The following SORBS2 variants were observed in gnomAD, a reference collection of about 807,000 sequenced individuals.
The protein encoded by SORBS2 is sorbin and SH3 domain containing 2.
A neutral mutation model predicts 97.7 loss-of-function variants in SORBS2; 46 were observed. That is an observed-to-expected ratio of 0.47 (90% CI 0.37 to 0.60). The LOEUF (loss-of-function observed/expected upper bound fraction) is 0.60. Among genes scored for constraint, SORBS2 ranks in the 20% least tolerant of loss-of-function variants. The pLI is 0.00. For synonymous variants in SORBS2, 476 were observed against 473.4 expected, an observed-to-expected ratio of 1.01 and a Z score of -0.07; for missense variants, 1,316 against 1,282.3, an observed-to-expected ratio of 1.03 and a Z score of -0.40.
intron 1 of SORBS2, among the ~76,000 whole-genome samples, chr4:185,797,980 C>T (rs924084788): frequency 9.2e-5 from 14 of 152,286 alleles, no homozygotes; most frequent in Middle Eastern, 3.4e-3. Context: ...TGTGATGCTG[C>T]GGGATTATCA....
At chr4:185,766,935 T>G (rs1400495816) in intron 2 of SORBS2, among the ~76,000 whole-genome samples, 1 of 152,232 alleles carries the variant, frequency 6.6e-6, no homozygotes, top group African/African-American at 2.4e-5. Flanking sequence ...AATGTTTCTA[T>G]TCTATCCTTT....
chr4:185,804,862 T>C (rs554547539), intron 1 of SORBS2, among the ~76,000 whole-genome samples: 2 of 143,920 alleles, frequency 1.4e-5, no homozygotes. Flanking sequence ...GTCTTGCAGC[T>C]TCTATGGTTT....
In SORBS2 at chr4:185,678,462, G is replaced by T. The variant is rs1164250170; in HGVS notation, c.-85C>A. 5.8e-6 allele frequency: 9 copies of T among 1,550,762 alleles called. No homozygotes were observed. The South Asian group carries it at 9.5e-5, about 16-fold the overall frequency. On this transcript the variant is annotated 5_prime_UTR_variant, in exon 4 of 21. Transcript: ENST00000284776. ...TTTTATCTTGTAGGTTTGGTCGAACGCTTCTAAAACCTTTTGCTGCAAGAG... is the reference window on the plus strand; with the variant it reads ...TTTTATCTTGTAGGTTTGGTCGAACTCTTCTAAAACCTTTTGCTGCAAGAG...
intron 2 of SORBS2, among the ~76,000 whole-genome samples, chr4:185,709,559 C>T (rs1047233388): frequency 2.0e-5 from 3 of 152,014 alleles, no homozygotes; most frequent in Non-Finnish European, 2.9e-5. Flanking sequence ...TACATGTCTA[C>T]CCCTACATTT....
intron 1 of SORBS2, among the ~76,000 whole-genome samples, chr4:185,823,864 C>A (rs915732460): frequency 2.6e-5 from 4 of 151,974 alleles, no homozygotes; most frequent in Non-Finnish European, 4.4e-5. Context: ...GTCTGCGGTT[C>A]GATAAAAAGG....
In SORBS2 at chr4:185,737,248, A is replaced by G. The variant is rs1338146388; in HGVS notation, c.-198+37979T>C. Reference sequence around the variant, plus strand: ...CTTTCAAGTTCCAGGTTGGGGGTATAAAGAGGTTTGATAGAAAAGAACCGC... The same window carrying G: ...CTTTCAAGTTCCAGGTTGGGGGTATGAAGAGGTTTGATAGAAAAGAACCGC... On this transcript the variant is annotated intron_variant, in intron 2 of 20. Transcript: ENST00000284776. Among the ~76,000 whole-genome samples the G allele has an allele frequency of 2.6e-5, 4 of 152,304 alleles. No individual in the cohort carries two copies. In the East Asian group the frequency reaches 7.7e-4, roughly 29 times the overall value.
intron 1 of SORBS2, among the ~76,000 whole-genome samples, chr4:185,859,678 T>C (rs1409330283): frequency 1.3e-5 from 2 of 151,406 alleles, no homozygotes; most frequent in African/African-American, 4.9e-5. Context: ...TTTAGTAGTT[T>C]GTAAGCCTCC....
intron 2 of SORBS2, among the ~76,000 whole-genome samples, chr4:185,707,293 C>T (rs1026586873): frequency 1.4e-4 from 21 of 152,134 alleles, no homozygotes; most frequent in Non-Finnish European, 2.2e-4. Context: ...GGAATGCAGG[C>T]AGTTTGGCTT....
At chr4:185,900,210 G>A (rs949869282) in intron 1 of SORBS2, among the ~76,000 whole-genome samples, 1 of 152,190 alleles carries the variant, frequency 6.6e-6, no homozygotes, top group African/African-American at 2.4e-5. Context: ...AAGTAAAAAG[G>A]CAGTGAAGTA....
chr4:185,895,182 T>C (rs1240665069), intron 1 of SORBS2, among the ~76,000 whole-genome samples: 1 of 152,184 alleles, frequency 6.6e-6, no homozygotes, highest in African/African-American at 2.4e-5. Flanking sequence ...CTACCTCTCT[T>C]ATGAGTGACA....
rs181145227 is a variant in SORBS2 at position 185,839,364 on chromosome 4, T to A, written c.-337-63998A>T. On this transcript the variant is annotated intron_variant, in intron 1 of 20. Coordinates refer to the SORBS2 transcript ENST00000284776. Reference sequence around the variant, plus strand: ...CAGGACTGAAACAGTTTGAGAACACTGCGCTGGGATTCCTCAGGCTATTTT... The same window carrying A: ...CAGGACTGAAACAGTTTGAGAACACAGCGCTGGGATTCCTCAGGCTATTTT... Among the ~76,000 whole-genome samples, 140 of 152,332 alleles carry A rather than the reference T, an allele frequency of 9.2e-4. 1 individual carries two copies. The highest frequency in any genetic ancestry group is 3.2e-3 in the African/African-American group (132 of 41,574).
At chr4:185,608,523 A>G (rs982059361) in intron 12 of SORBS2, among the ~76,000 whole-genome samples, 26 of 152,132 alleles carry the variant, frequency 1.7e-4, no homozygotes, top group Non-Finnish European at 2.9e-4. Flanking sequence ...ACTTACTTCT[A>G]CATACGTAGT....
chr4:185,644,715 G>A (rs182052545), intron 4 of SORBS2, among the ~76,000 whole-genome samples: 21 of 152,276 alleles, frequency 1.4e-4, no homozygotes, highest in African/African-American at 4.1e-4. Context: ...TAATTACAGC[G>A]CCTGGCATAT....
intron 1 of SORBS2, among the ~76,000 whole-genome samples, chr4:185,917,191 A>G (rs2099258625): frequency 6.6e-6 from 1 of 152,044 alleles, no homozygotes; most frequent in Non-Finnish European, 1.5e-5. Context: ...CTTCCCTCAT[A>G]CCCTGCCCTG....
chr4:185,856,414 A>T lies in SORBS2; in HGVS notation c.-337-81048T>A, dbSNP rs151247943. Among the ~76,000 whole-genome samples, 5 of 152,300 alleles carry T rather than the reference A, an allele frequency of 3.3e-5. No individual in the cohort carries two copies. In the East Asian group the frequency reaches 9.6e-4, roughly 29 times the overall value. On this transcript the variant is annotated intron_variant, in intron 1 of 20. Transcript: ENST00000284776. ...TAATATGCCTACACCTCTGCCTGGC[A>T]TGTAGGAGACACACAATAGAAGTCA...
chr4:185,656,437 C>T (rs570950521), intron 1 of SORBS2, among the ~76,000 whole-genome samples: 20 of 143,584 alleles, frequency 1.4e-4, no homozygotes, highest in African/African-American at 4.3e-4. Context: ...AATCTTACCA[C>T]GGCTTTTTTT....
intron 1 of SORBS2, among the ~76,000 whole-genome samples, chr4:185,809,568 A>G (rs1470120855): frequency 6.6e-6 from 1 of 152,024 alleles, no homozygotes; most frequent in Admixed American, 6.6e-5. Context: ...AGGGTCTAAA[A>G]ATAGCCATAA....
intron 1 of SORBS2, among the ~76,000 whole-genome samples, chr4:185,855,726 A>G (rs1429013181): frequency 1.3e-5 from 2 of 152,212 alleles, no homozygotes; most frequent in Admixed American, 6.5e-5. Context: ...TGGGACTCCC[A>G]CCAAATCCAT....
chr4:185,605,163 T>C (rs1248875281), intron 12 of SORBS2, among the ~76,000 whole-genome samples: 1 of 152,244 alleles, frequency 6.6e-6, no homozygotes, highest in Non-Finnish European at 1.5e-5. Context: ...ACAGGAACTA[T>C]GAAAGAATTT....
Sources: allele counts gnomAD v4.1 joint callset (sites outside exome capture counted in the v4.1 genomes callset), GRCh38; gene constraint gnomAD v4.1.1; transcripts MANE v1.5; gene names NCBI Gene and HGNC (gene_info 2026-07-23, HGNC 2026-07-21).